The following FHIT variants were observed in gnomAD, a reference collection of about 807,000 sequenced individuals.
FHIT encodes bis(5'-adenosyl)-triphosphatase.
FHIT carries 19 observed loss-of-function variants against 17.9 expected under a neutral mutation model. The ratio of observed to expected loss-of-function variants is 1.06; its 90% CI spans 0.74 to 1.56. The LOEUF (loss-of-function observed/expected upper bound fraction) is 1.56, where lower values mean the gene tolerates loss of function less well. Among genes scored for constraint, FHIT ranks in the 40% most tolerant of loss-of-function variants. The pLI, the probability that FHIT is intolerant of heterozygous loss-of-function variation, is 0.00. For missense variants in FHIT, 248 were observed against 189.2 expected (o/e 1.31, Z -1.82); for synonymous variants, 81 against 69.7 (o/e 1.16, Z -0.81).
chr3:60,877,228 G>A (rs782132759), intron 3 of FHIT, among the ~76,000 whole-genome samples: 3 of 152,170 alleles, frequency 2.0e-5, no homozygotes, highest in Non-Finnish European at 4.4e-5. Context: ...CTCTGAGGGT[G>A]AGCAGGCTTG....
At chr3:59,947,814 T>C (rs1706891076) in intron 7 of FHIT, among the ~76,000 whole-genome samples, 1 of 152,222 alleles carries the variant, frequency 6.6e-6, no homozygotes, top group Non-Finnish European at 1.5e-5. Flanking sequence ...CCATGCTTAC[T>C]AGCATGTGCT....
intron 3 of FHIT, among the ~76,000 whole-genome samples, chr3:60,867,192 A>C (rs1414162810): frequency 1.7e-4 from 25 of 150,162 alleles, no homozygotes; most frequent in African/African-American, 5.9e-4. Context: ...CTTATTATCT[A>C]TTTCCTGCCC....
At chr3:61,237,937 T>A (rs1472077791) in intron 1 of FHIT, among the ~76,000 whole-genome samples, 1 of 152,104 alleles carries the variant, frequency 6.6e-6, no homozygotes, top group Non-Finnish European at 1.5e-5. Context: ...AAAATCTTAT[T>A]CTCTACAAAG....
intron 5 of FHIT, among the ~76,000 whole-genome samples, chr3:60,122,080 G>C (rs1705283188): frequency 6.7e-6 from 1 of 150,250 alleles, no homozygotes; most frequent in Admixed American, 6.7e-5. Flanking sequence ...ATGCACAAAA[G>C]TTTTCTTTTC....
chr3:60,611,137 T>C (rs1290566007), intron 4 of FHIT, among the ~76,000 whole-genome samples: 1 of 152,210 alleles, frequency 6.6e-6, no homozygotes, highest in Non-Finnish European at 1.5e-5. Flanking sequence ...AGTTGTCTTC[T>C]CATCCTGCTG....
Position 59,855,528 on chromosome 3 carries a change from TAA to T in FHIT, c.348+66816_348+66817del, listed in dbSNP as rs144504324. Among the ~76,000 whole-genome samples the T allele has an allele frequency of 3.1e-3, 471 of 152,282 alleles. 2 individuals carry two copies. The highest frequency in any genetic ancestry group is 0.011 in the African/African-American group (450 of 41,556). On this transcript the variant is annotated intron_variant, in intron 8 of 9. Coordinates refer to ENST00000492590, the MANE Select transcript of FHIT (RefSeq NM_002012.4). ...ACTTGATATTTTACTATGAAGAAAT[TAA>T]AAGTTACCTACAACTGAATAATAAT...
chr3:60,917,832 A>G (rs1284267420), intron 3 of FHIT, among the ~76,000 whole-genome samples: 1 of 152,232 alleles, frequency 6.6e-6, no homozygotes, highest in East Asian at 1.9e-4. Context: ...TTCATTCTGT[A>G]TATCCCCTAC....
At chr3:60,793,594 C>T (rs968586783) in intron 4 of FHIT, among the ~76,000 whole-genome samples, 1 of 152,312 alleles carries the variant, frequency 6.6e-6, no homozygotes, top group South Asian at 2.1e-4. Context: ...TGAGCCATAG[C>T]GCCCAGACAA....
At chr3:60,129,778 A>T (rs1350331259) in intron 5 of FHIT, among the ~76,000 whole-genome samples, 1 of 152,176 alleles carries the variant, frequency 6.6e-6, no homozygotes, top group Non-Finnish European at 1.5e-5. Context: ...ACAGCCCATT[A>T]TTGAATTCTG....
rs11927427 is a variant in FHIT, at chr3:60,325,364, T to G, written c.103+211496A>C. ...TTGATAAATTAAATAATATGCAGTATGAGTATTAGAGTTTGAAATGTTTAA... is the reference window on the plus strand; with the variant it reads ...TTGATAAATTAAATAATATGCAGTAGGAGTATTAGAGTTTGAAATGTTTAA... On this transcript the variant is annotated intron_variant, in intron 5 of 9. Coordinates refer to ENST00000492590, the MANE Select transcript of FHIT (RefSeq NM_002012.4). Among the ~76,000 whole-genome samples the G allele has an allele frequency of 4.1e-3, 631 of 152,324 alleles. 2 individuals are homozygous for G. The highest frequency in any genetic ancestry group is 0.014 in the African/African-American group (572 of 41,578).
At chr3:59,819,480 T>C (rs560451219) in intron 8 of FHIT, among the ~76,000 whole-genome samples, 3 of 152,200 alleles carry the variant, frequency 2.0e-5, no homozygotes, top group Non-Finnish European at 4.4e-5. Flanking sequence ...AAAAATTTAA[T>C]TTTTAGAAAT....
intron 2 of FHIT, among the ~76,000 whole-genome samples, chr3:61,153,144 A>G: frequency 8.9e-6 from 1 of 111,880 alleles, no homozygotes; most frequent in Admixed American, 8.7e-5. Flanking sequence ...CTCCATCTCA[A>G]AAAAAAAAAA....
chr3:60,484,286 A>G (rs1016152972), intron 5 of FHIT, among the ~76,000 whole-genome samples: 2 of 152,196 alleles, frequency 1.3e-5, no homozygotes, highest in Non-Finnish European at 2.9e-5. Flanking sequence ...TCAAACTACT[A>G]TTGACATCCC....
At chr3:60,296,711 A>G (rs921358089) in intron 5 of FHIT, among the ~76,000 whole-genome samples, 1 of 152,020 alleles carries the variant, frequency 6.6e-6, no homozygotes, top group Non-Finnish European at 1.5e-5. Context: ...TGCCAAGTCC[A>G]AGAACCCTTT....
At chr3:60,977,048 T>C (rs1234301711) in intron 3 of FHIT, among the ~76,000 whole-genome samples, 1 of 152,182 alleles carries the variant, frequency 6.6e-6, no homozygotes, top group Non-Finnish European at 1.5e-5. Context: ...GATGGGTGTA[T>C]GAGTTTCCTG....
At position 60,534,538 on chromosome 3, in the gene FHIT, A is replaced by T. The variant is rs375598336; in HGVS notation, c.103+2322T>A. ...ATAAAAAGTTACAAAATCATCACAT[A>T]AAAAGCATTGTCTGAATACACTGTC... On this transcript the variant is annotated intron_variant, in intron 5 of 9. Coordinates refer to ENST00000492590, the MANE Select transcript of FHIT (RefSeq NM_002012.4). Among the ~76,000 whole-genome samples, 919 of 152,050 alleles carry T rather than the reference A, an allele frequency of 6.0e-3. 14 individuals are homozygous for T. The highest frequency in any genetic ancestry group is 0.021 in the African/African-American group (853 of 41,480).
chr3:60,282,775 TATTTTA>T (rs1375152587), intron 5 of FHIT, among the ~76,000 whole-genome samples: 1 of 152,110 alleles, frequency 6.6e-6, no homozygotes, highest in African/African-American at 2.4e-5. Flanking sequence ...AAAAATAAAG[TATTTTA>T]ATTTTATTTT....
intron 5 of FHIT, among the ~76,000 whole-genome samples, chr3:60,247,453 A>G (rs998314545): frequency 1.2e-4 from 18 of 152,156 alleles, no homozygotes; most frequent in African/African-American, 4.1e-4. Context: ...GATGAAGAAG[A>G]AGAAGAAAAG....
intron 5 of FHIT, among the ~76,000 whole-genome samples, chr3:60,489,004 G>A (rs2033955820): frequency 6.6e-6 from 1 of 152,120 alleles, no homozygotes; most frequent in African/African-American, 2.4e-5. Flanking sequence ...TTTCCATCAT[G>A]GGTCAAGGAT....
Sources: allele counts gnomAD v4.1 joint callset (sites outside exome capture counted in the v4.1 genomes callset), GRCh38; gene constraint gnomAD v4.1.1; transcripts MANE v1.5; gene names NCBI Gene and HGNC (gene_info 2026-07-23, HGNC 2026-07-21).